JAM3: variants seen among roughly 807,000 people sequenced by gnomAD.
The protein encoded by JAM3 is junctional adhesion molecule 3, also known as junctional adhesion molecule C.
A neutral mutation model predicts 39.4 loss-of-function variants in JAM3; 31 were observed. That is an observed-to-expected ratio of 0.79 (90% CI 0.59 to 1.06). The LOEUF is 1.06. Among genes scored for constraint, JAM3 ranks in the 50% least tolerant of loss-of-function variants. The pLI is 0.00. For missense variants in JAM3, 455 were observed against 391.4 expected (o/e 1.16, Z -1.37); for synonymous variants, 182 against 148.7 (o/e 1.22, Z -1.63).
intron 1 of JAM3, among the ~76,000 whole-genome samples, chr11:134,101,739 C>T (rs775362009): frequency 1.6e-4 from 24 of 152,046 alleles, no homozygotes; most frequent in Non-Finnish European, 2.4e-4. Context: ...CAGTTTTTAT[C>T]GAGTGCTAGC....
chr11:134,115,229 A>G (rs988601877), intron 1 of JAM3, among the ~76,000 whole-genome samples: 3 of 152,194 alleles, frequency 2.0e-5, no homozygotes, highest in African/African-American at 7.2e-5. Flanking sequence ...TTAACTTAGT[A>G]TATCTTTTTT....
At chr11:134,108,564 T>G (rs1284782812) in intron 1 of JAM3, among the ~76,000 whole-genome samples, 1 of 152,182 alleles carries the variant, frequency 6.6e-6, no homozygotes, top group African/African-American at 2.4e-5. Context: ...AAAGACCAAG[T>G]TCTGGCTGTT....
At chr11:134,093,928 C>G (rs1294141017) in intron 1 of JAM3, among the ~76,000 whole-genome samples, 1 of 117,538 alleles carries the variant, frequency 8.5e-6, no homozygotes, top group East Asian at 2.9e-4. Flanking sequence ...CTGAGGGAAG[C>G]TTCTCCTGAA....
intron 1 of JAM3, among the ~76,000 whole-genome samples, chr11:134,083,915 G>C (rs1352965332): frequency 2.0e-5 from 3 of 152,266 alleles, no homozygotes; most frequent in South Asian, 2.1e-4. Flanking sequence ...CTTTGCATCT[G>C]CCCTTTCATA....
chr11:134,096,331 T>A (rs538053530), intron 1 of JAM3, among the ~76,000 whole-genome samples: 1 of 152,292 alleles, frequency 6.6e-6, no homozygotes, highest in African/African-American at 2.4e-5. Flanking sequence ...TTAGTATAAA[T>A]AGGTAAGGGT....
chr11:134,144,541 G>C (rs1943034810), intron 4 of JAM3, 148 bp downstream of exon 4: 2 of 1,029,346 alleles, frequency 1.9e-6, no homozygotes, highest in Non-Finnish European at 3.0e-6. Flanking sequence ...GACTGCCTGA[G>C]TTGGGGTAGA....
chr11:134,145,212 T>C, intron 5 of JAM3: 1 of 600,144 alleles, frequency 1.7e-6, no homozygotes, highest in Admixed American at 2.9e-5. Flanking sequence ...AAACCATAGA[T>C]TGAGACCGAA....
intron 1 of JAM3, among the ~76,000 whole-genome samples, chr11:134,135,499 T>C (rs542526521): frequency 1.8e-4 from 27 of 152,210 alleles, no homozygotes; most frequent in Admixed American, 9.8e-4. Context: ...AATCCTAAAA[T>C]GTTAGCTCCA....
At chr11:134,099,847 C>T (rs566977686) in intron 1 of JAM3, among the ~76,000 whole-genome samples, 3 of 152,272 alleles carry the variant, frequency 2.0e-5, no homozygotes, top group Middle Eastern at 3.4e-3. Context: ...CCTCGTCATC[C>T]GCCTGCCTTG....
chr11:134,129,550 A>T (rs905485036), intron 1 of JAM3, among the ~76,000 whole-genome samples: 1 of 152,190 alleles, frequency 6.6e-6, no homozygotes, highest in African/African-American at 2.4e-5. Flanking sequence ...ACCTCTGGAA[A>T]GTCATTGGTC....
chr11:134,108,468 G>A (rs1942244645), intron 1 of JAM3, among the ~76,000 whole-genome samples: 1 of 152,094 alleles, frequency 6.6e-6, no homozygotes, highest in African/African-American at 2.4e-5. Flanking sequence ...CAAAACCAGA[G>A]GCATTACAAG....
rs867009967 is a variant in JAM3, at chr11:134,100,762, C to A, written c.76+31603C>A. ...TATCCCCATCGTATGGATGAGAAAA[C>A]AGAAAGATTGGTGAACATCCAAGCC... On this transcript the variant is annotated intron_variant, in intron 1 of 8. Transcript: ENST00000299106. Among the ~76,000 whole-genome samples the A allele has an allele frequency of 5.9e-5, 9 of 152,314 alleles. No homozygotes were observed. In the East Asian group the frequency reaches 1.7e-3, roughly 29 times the overall value.
At position 134,140,890 on chromosome 11, in the gene JAM3, T is replaced by C. The variant is rs976904177; in HGVS notation, c.256+120T>C. 13 of 1,335,838 alleles carry C rather than the reference T, an allele frequency of 9.7e-6. No homozygotes were observed. The African/African-American group carries it at 1.7e-4, about 17-fold the overall frequency. 82.7% of individuals were successfully genotyped at this position (1,335,838 alleles called of 1,614,324 possible). The stretch of plus-strand genomic sequence containing the variant: ...CTGCATCTGTAGCTAGGACCGTTTT[T>C]TTTTTTTTAAAGATTTATAATTATG... On this transcript the variant is annotated intron_variant, in intron 3 of 8. Coordinates refer to ENST00000299106, the MANE Select transcript of JAM3 (RefSeq NM_032801.5).
rs770538254 is a variant in JAM3 at position 134,140,744 on chromosome 11, A to G, written c.230A>G (p.Tyr77Cys). 1.2e-6 allele frequency: 2 copies of G among 1,613,386 alleles called. No individual in the cohort carries two copies. Among genetic ancestry groups the G allele is most frequent in the Non-Finnish European group, 1.7e-6 (2 of 1,179,742 alleles). The change falls in exon 3 of 9, where the codon TAT becomes TGT. Residue 77 changes from tyrosine to cysteine, a missense_variant. By Grantham distance (194) the Tyr-to-Cys change is radical (BLOSUM62 -2). Transcript: ENST00000299106. ...WKKIQDEQTT[Y>C]VFFDNKIQGD... is the part of the protein sequence containing the mutation. ...AAAATTCAAGATGAACAAACCACAT[A>G]TGTGTTTTTTGACAACAAAATTCAG...
intron 1 of JAM3, among the ~76,000 whole-genome samples, chr11:134,103,575 A>G (rs569323663): frequency 3.1e-4 from 47 of 152,226 alleles, no homozygotes; most frequent in Non-Finnish European, 5.9e-4. Context: ...GGCAAATTGG[A>G]TAAAGAGTCA....
chr11:134,073,514 C>T (rs1434668148), intron 1 of JAM3, among the ~76,000 whole-genome samples: 1 of 152,170 alleles, frequency 6.6e-6, no homozygotes, highest in African/African-American at 2.4e-5. Context: ...AACCTCAGCC[C>T]ACAGTGATCC....
chr11:134,127,309 A>G (rs1489912919), intron 1 of JAM3, among the ~76,000 whole-genome samples: 2 of 152,162 alleles, frequency 1.3e-5, no homozygotes, highest in Non-Finnish European at 1.5e-5. Flanking sequence ...AATCTGAATC[A>G]TTTTCACTTC....
intron 1 of JAM3, among the ~76,000 whole-genome samples, chr11:134,072,054 C>T (rs1941491944): frequency 6.6e-6 from 1 of 152,140 alleles, no homozygotes; most frequent in African/African-American, 2.4e-5. Context: ...TCTTAAACTC[C>T]ATGGGGTGGG....
rs190763496 is a variant in JAM3, at chr11:134,146,460, G to A, written c.712+415G>A. On this transcript the variant is annotated intron_variant, in intron 6 of 8. Coordinates refer to ENST00000299106, the MANE Select transcript of JAM3 (RefSeq NM_032801.5). ...CTGCAGACAAAGCTTAGCCCCTAGA[G>A]TAATGTTATCTCAGGGCTCTGGTTC... 1.7e-3 allele frequency among the ~76,000 whole-genome samples: 262 copies of A among 152,202 alleles called. 1 individual carries two copies. The highest frequency in any genetic ancestry group is 2.8e-3 in the Non-Finnish European group (189 of 68,020).
Sources: gnomAD v4.1 joint callset for allele counts (sites outside exome capture counted in the v4.1 genomes callset) on GRCh38, gnomAD v4.1.1 for gene constraint, MANE v1.5 for transcripts, NCBI Gene and HGNC (gene_info 2026-07-23, HGNC 2026-07-21) for gene names.